Variants in ARAF observed in about 807,000 individuals in gnomAD.
The protein encoded by ARAF is serine/threonine-protein kinase A-Raf.
A neutral mutation model predicts 48.0 loss-of-function variants in ARAF; 18 were observed. That is an observed-to-expected ratio of 0.37 (90% confidence interval 0.26 to 0.56). The LOEUF (loss-of-function observed/expected upper bound fraction) is 0.56. ARAF is among the 20% of genes least tolerant of loss of function. The pLI, the probability that ARAF is intolerant of heterozygous loss-of-function variation, is 0.77. For missense variants in ARAF, 389 were observed against 543.1 expected (o/e 0.72, Z 2.82); for synonymous variants, 207 against 220.1 (o/e 0.94, Z 0.53).
chrX:47,565,202 A>G, intron 5 of ARAF, 50 bp from the exon 6 acceptor site: 1 of 1,208,672 alleles, frequency 8.3e-7, no homozygotes, highest in Non-Finnish European at 1.1e-6. Context: ...CGAGGCCCTT[A>G]CAGACAGCTG....
chrX:47,571,310 C>T lies in ARAF; in HGVS notation c.1687-13C>T, dbSNP rs771259913. 5 of 1,205,635 alleles carry T rather than the reference C, an allele frequency of 4.1e-6. No homozygotes were observed. The highest frequency in any genetic ancestry group is 4.4e-5 in the Admixed American group (2 of 45,616). ...GGCTCTGGACACCCCTCCTCACCCCCACCTGCCCTCAGATCCTGGCCACAA... is the reference window on the plus strand; with the variant it reads ...GGCTCTGGACACCCCTCCTCACCCCTACCTGCCCTCAGATCCTGGCCACAA... On this transcript the variant is annotated splice_polypyrimidine_tract_variant and intron_variant, in intron 15 of 15. Transcript: ENST00000377045.
chrX:47,567,256 C>T lies in ARAF; in HGVS notation c.900C>T (p.Gly300=), dbSNP rs1159223302. 2 of 1,209,773 alleles carry T rather than the reference C, an allele frequency of 1.7e-6. No individual in the cohort carries two copies. Among genetic ancestry groups the T allele is most frequent in the African/African-American group, 3.5e-5 (2 of 57,076 alleles). The change falls in exon 10 of 16, where the codon GGC becomes GGT. Residue 300 remains glycine, a synonymous_variant. Transcript: ENST00000377045. ...AGAACCTGGGGTACCGGGACTCAGG[C>T]TATTACTGGGAGGTACCACCCAGTG... The part of the protein sequence containing the change: ...KVKNLGYRDS[G]YYWEVPPSEV...
rs869296541 is a variant in ARAF, at chrX:47,571,217, GT to G, written c.1687-105del. 2.2e-3 allele frequency: 2,025 copies of G among 910,248 alleles called. 37 individuals carry two copies. The African/African-American group carries it at 0.034, about 15-fold the overall frequency. The allele number at this position is 910,248 out of a possible 1,213,427, so 75.0% of individuals were successfully genotyped here. A position where few individuals can be genotyped will look rare whatever the true frequency, so the allele number is the denominator to read the frequency against. On this transcript the variant is annotated intron_variant, in intron 15 of 15. Transcript: ENST00000377045. ...CCATGAGGCTGGGACTGTTGGGTGT[GT>G]GTGTGTGTGTGTGTGTGTGTGTGTG...
intron 15 of ARAF, 74 bp from the exon 16 acceptor site, chrX:47,571,249 T>TG: frequency 1.0e-6 from 1 of 953,642 alleles, no homozygotes; most frequent in Non-Finnish European, 1.4e-6. Flanking sequence ...GTGTGTGTGT[T>TG]TCGCCATGAG....
Position 47,571,580 on chromosome X carries a change from G to A in ARAF, c.*123G>A. The A allele has an allele frequency of 3.0e-6, 3 of 989,014 alleles. No homozygotes were observed. The highest frequency in any genetic ancestry group is 2.6e-5 in the South Asian group (1 of 39,110). The allele number at this position is 989,014 out of a possible 1,213,427, so 81.5% of individuals were successfully genotyped here. A position where few individuals can be genotyped will look rare whatever the true frequency, so the allele number is the denominator to read the frequency against. On this transcript the variant is annotated 3_prime_UTR_variant, in exon 16 of 16. Coordinates refer to ENST00000377045, the MANE Select transcript of ARAF (RefSeq NM_001654.5). ...CAGGATCCCCCATTCCCCACCCTGG[G>A]AGATGAGGGGGTCCCCATGTGCTTT...
intron 11 of ARAF, 35 bp downstream of exon 11, chrX:47,568,929 A>G (rs1166483815): frequency 8.4e-7 from 1 of 1,194,763 alleles, no homozygotes. Context: ...GTGGGGGGAA[A>G]GGGTGGGGGA....
In ARAF at chrX:47,569,585, C is replaced by T. The variant is rs1175149304; in HGVS notation, c.1347C>T (p.Gly449=). 1 of 1,209,633 alleles carries T rather than the reference C, an allele frequency of 8.3e-7. No individual in the cohort carries two copies. Residue 449 remains glycine (G), a synonymous_variant, in exon 13 of 16, where the codon GGC becomes GGT. Transcript: ENST00000377045. Reference sequence around the variant, plus strand: ...TCACGGTGAAGATCGGTGACTTTGGCTTGGCCACAGTGAAGACTCGATGGA... The same window carrying T: ...TCACGGTGAAGATCGGTGACTTTGGTTTGGCCACAGTGAAGACTCGATGGA... ...EGLTVKIGDF[G]LATVKTRWSG... is the part of the protein sequence containing the mutation.
intron 13 of ARAF, 52 bp downstream of exon 13, chrX:47,569,709 T>C (rs1047184606): frequency 8.7e-7 from 1 of 1,147,007 alleles, no homozygotes; most frequent in Non-Finnish European, 1.2e-6. Context: ...GGCTCCGGGA[T>C]TGGGGTGTGT....
At chrX:47,561,735 A>G (rs2057709501) in intron 1 of ARAF, among the ~76,000 whole-genome samples, 1 of 107,262 alleles carries the variant, frequency 9.3e-6, no homozygotes, top group African/African-American at 3.4e-5. Context: ...TAGACCAGTA[A>G]TATGCCTGTG....
rs2147905478 is a variant in ARAF, at chrX:47,566,667, C to T, written c.586C>T (p.His196Tyr). 1 of 1,182,505 alleles carries T rather than the reference C, an allele frequency of 8.5e-7. No homozygotes were observed. The change falls in exon 7 of 16, where the codon CAC (histidine) becomes TAC (tyrosine). Residue 196 changes from histidine (H) to tyrosine (Y), a missense_variant. By Grantham distance (83) the His-to-Tyr change is moderately conservative (BLOSUM62 2). Coordinates refer to ENST00000377045, the MANE Select transcript of ARAF (RefSeq NM_001654.5). ...SPRTQHCDPE[H>Y]FPFPAPANAP... is the part of the protein sequence containing the mutation. ...CCGCACCCAGCACTGTGACCCGGAG[C>T]ACTTCCCCTTCCCTGCCCCAGCCAA...
rs781365647 is a variant in ARAF at position 47,569,952 on chromosome X, T to C, written c.1479T>C (p.Tyr493=). The change falls in exon 14 of 16, where the codon TAT becomes TAC. Residue 493 remains tyrosine (Y), a synonymous_variant. Transcript: ENST00000377045. ...CCTACAGCTTCCAGTCAGACGTCTA[T>C]GCCTACGGGGTTGTGCTCTACGAGC... ...PNPYSFQSDV[Y]AYGVVLYELM... 3 of 1,205,704 alleles carry C rather than the reference T, an allele frequency of 2.5e-6. No homozygotes were observed. In the East Asian group the frequency reaches 8.9e-5, roughly 36 times the overall value.
rs748003720 is a variant in ARAF, at chrX:47,571,818, C to T, written c.*361C>T. 18 of 211,433 alleles carry T rather than the reference C, an allele frequency of 8.5e-5. No individual in the cohort carries two copies. Among genetic ancestry groups the T allele is most frequent in the Non-Finnish European group, 1.4e-4 (16 of 117,321 alleles). 17.4% of individuals were successfully genotyped at this position (211,433 alleles called of 1,213,427 possible). A position where few individuals can be genotyped will look rare whatever the true frequency, so the allele number is the denominator to read the frequency against. Reference sequence around the variant, plus strand: ...CTGGATTTTGGGGTTCCCAGCACCCCATGTGGATTTTGGGGGGTCCCTTTT... The same window carrying T: ...CTGGATTTTGGGGTTCCCAGCACCCTATGTGGATTTTGGGGGGTCCCTTTT... On this transcript the variant is annotated 3_prime_UTR_variant, in exon 16 of 16. Transcript: ENST00000377045.
At chrX:47,570,382 A>G (rs1203925360) in intron 14 of ARAF, 1 of 161,923 alleles carries the variant, frequency 6.2e-6, no homozygotes, top group Non-Finnish European at 1.2e-5. Context: ...AATCCCCCAG[A>G]TCCTCAAAGC....
rs900513449 is a variant in ARAF, at chrX:47,562,809, G to A, written c.-59-100G>A. ...GTCGTGTGAAAATTAGGCTGCAGGG[G>A]GCGACAGGAGCCTGGACTTTGAATT... On this transcript the variant is annotated intron_variant, in intron 1 of 15. Transcript: ENST00000377045. 4 of 446,101 alleles carry A rather than the reference G, an allele frequency of 9.0e-6. No individual in the cohort carries two copies. In the African/African-American group the frequency reaches 9.9e-5, roughly 11 times the overall value. The allele number at this position is 446,101 out of a possible 1,213,427, so 36.8% of individuals were successfully genotyped here.
chrX:47,567,166 G>A (rs761923485), intron 9 of ARAF, 35 bp downstream of exon 9: 1 of 1,210,029 alleles, frequency 8.3e-7, no homozygotes, highest in East Asian at 3.0e-5. Flanking sequence ...GGGCCACCAA[G>A]GCTGAGTGAC....
In ARAF at chrX:47,565,346, C is replaced by T; in HGVS notation, c.553C>T (p.Pro185Ser). ...GAATGAGTTGCTAACCCCCCAGGGT[C>T]CCAGGTAGGGATGCCTTAGCTGAAG... The part of the protein sequence containing the change: ...PLNELLTPQG[P>S]SPRTQHCDPE... The change falls in exon 6 of 16, where the codon CCC (proline) becomes TCC (serine). Residue 185 changes from proline (P) to serine (S), a missense_variant. Pro to Ser is a moderately conservative substitution (Grantham distance 74). Coordinates refer to ENST00000377045, the MANE Select transcript of ARAF (RefSeq NM_001654.5). The T allele has an allele frequency of 3.3e-6, 4 of 1,209,692 alleles. No individual in the cohort carries two copies. Among genetic ancestry groups the T allele is most frequent in the Non-Finnish European group, 4.5e-6 (4 of 893,901 alleles).
At chrX:47,570,322 A>C in intron 14 of ARAF, 3 of 246,979 alleles carry the variant, frequency 1.2e-5, no homozygotes, top group South Asian at 9.7e-5. Flanking sequence ...AAATACCCCA[A>C]AGCCCTCTGT....
Position 47,569,536 on chromosome X carries a change from C to T in ARAF, c.1301-3C>T, listed in dbSNP as rs759275896. 4.3e-5 allele frequency: 52 copies of T among 1,200,093 alleles called. No homozygotes were observed. The highest frequency in any genetic ancestry group is 6.0e-5 in the East Asian group (2 of 33,592). Reference sequence around the variant, plus strand: ...TCCCTGTAGTGGTCCTTGACCCTGGCGGACATCTTCCTACATGAGGGGCTC... The same window carrying T: ...TCCCTGTAGTGGTCCTTGACCCTGGTGGACATCTTCCTACATGAGGGGCTC... On this transcript the variant is annotated splice_polypyrimidine_tract_variant and splice_region_variant and intron_variant, in intron 12 of 15. Transcript: ENST00000377045.
At chrX:47,569,786 G>T (rs755329086) in intron 13 of ARAF, 107 bp from the exon 14 acceptor site, 2 of 1,111,785 alleles carry the variant, frequency 1.8e-6, no homozygotes, top group Non-Finnish European at 2.4e-6. Context: ...GTCCCACCTC[G>T]TGTGGGTGGC....
Sources: gnomAD v4.1 joint callset for allele counts (sites outside exome capture counted in the v4.1 genomes callset) on GRCh38, gnomAD v4.1.1 for gene constraint, MANE v1.5 for transcripts, NCBI Gene and HGNC (gene_info 2026-07-23, HGNC 2026-07-21) for gene names.